Variants in KLF12 observed in about 807,000 individuals in gnomAD.
KLF12 encodes the protein Krueppel-like factor 12.
Under a neutral mutation model 37.8 loss-of-function variants are expected in KLF12, and 9 were observed. That is an observed-to-expected ratio of 0.24 (90% confidence interval 0.14 to 0.42). The LOEUF (loss-of-function observed/expected upper bound fraction) is 0.42, where lower values mean the gene tolerates loss of function less well. Ranked by LOEUF, KLF12 falls within the 10% of genes least tolerant of loss-of-function variation. KLF12 has a pLI of 1.00. For missense variants in KLF12, 411 were observed against 516.0 expected (o/e 0.80, Z 1.97); for synonymous variants, 208 against 202.1 (o/e 1.03, Z -0.25).
At chr13:74,222,074 A>G in the KLF12 span, among the ~76,000 whole-genome samples, 1 of 152,244 alleles carries the variant, frequency 6.6e-6, no homozygotes, top group Non-Finnish European at 1.5e-5. Flanking sequence ...ATGAATGTCT[A>G]CGTAGGTATT....
chr13:74,244,710 AT>A, the KLF12 span, among the ~76,000 whole-genome samples: 1 of 152,098 alleles, frequency 6.6e-6, no homozygotes, highest in Non-Finnish European at 1.5e-5. Flanking sequence ...ATCCCTTCAT[AT>A]TTTTTGGATT....
intron 3 of KLF12, among the ~76,000 whole-genome samples, chr13:73,918,494 C>A (rs2139200722): frequency 6.6e-6 from 1 of 152,192 alleles, no homozygotes; most frequent in East Asian, 1.9e-4. Context: ...CAGTACTATA[C>A]AAGATATTTT....
chr13:74,303,238 G>A, the KLF12 span, among the ~76,000 whole-genome samples: 23 of 152,110 alleles, frequency 1.5e-4, no homozygotes, highest in African/African-American at 3.1e-4. Context: ...TTCTTGTGTC[G>A]TCTGCATCTT....
the KLF12 span, among the ~76,000 whole-genome samples, chr13:74,173,581 T>G: frequency 3.6e-4 from 55 of 152,332 alleles, no homozygotes; most frequent in African/African-American, 1.3e-3. Flanking sequence ...ATATGTGTGT[T>G]GAATGTAGTA....
At chr13:73,808,030 A>G (rs1021030818) in intron 5 of KLF12, among the ~76,000 whole-genome samples, 1 of 152,190 alleles carries the variant, frequency 6.6e-6, no homozygotes, top group African/African-American at 2.4e-5. Flanking sequence ...GCTAAACTTC[A>G]CCTATTGAAA....
At position 73,805,604 on chromosome 13, in the gene KLF12, AGAAG is replaced by A. The variant is rs1206307171; in HGVS notation, c.806+7544_806+7547del. Among the ~76,000 whole-genome samples, 20 of 89,690 alleles carry A rather than the reference AGAAG, an allele frequency of 2.2e-4. 1 individual carries two copies. In the East Asian group the frequency reaches 2.8e-3, roughly 13 times the overall value. The allele number at this position is 89,690 out of a possible 152,430, so 58.8% of individuals were successfully genotyped here. A position where few individuals can be genotyped will look rare whatever the true frequency, so the allele number is the denominator to read the frequency against. ...TAACCTGGGCAACAGAGGCACTGTCAGAAGGAAGGGAGGGAGGGAGGGAGGGAGG... is the reference window on the plus strand; with the variant it reads ...TAACCTGGGCAACAGAGGCACTGTCAGAAGGGAGGGAGGGAGGGAGGGAGG... On this transcript the variant is annotated intron_variant, in intron 5 of 7. Transcript: ENST00000377669.
the KLF12 span, among the ~76,000 whole-genome samples, chr13:74,270,275 G>T: frequency 6.6e-6 from 1 of 152,140 alleles, no homozygotes; most frequent in Admixed American, 6.5e-5. Context: ...CTCAGGATTG[G>T]GCTGGCCATG....
chr13:73,822,628 T>G (rs1883591609), intron 4 of KLF12, among the ~76,000 whole-genome samples: 1 of 152,202 alleles, frequency 6.6e-6, no homozygotes, highest in Admixed American at 6.5e-5. Context: ...CAACAGCTAC[T>G]AGAGTTTCAT....
chr13:74,042,999 T>C (rs1893447693), intron 1 of KLF12, among the ~76,000 whole-genome samples: 1 of 151,428 alleles, frequency 6.6e-6, no homozygotes, highest in South Asian at 2.1e-4. Context: ...ACAAGATTAT[T>C]CCAATATTAA....
intron 4 of KLF12, among the ~76,000 whole-genome samples, chr13:73,821,413 C>T (rs1403689501): frequency 6.6e-6 from 1 of 152,194 alleles, no homozygotes; most frequent in East Asian, 1.9e-4. Flanking sequence ...AAGTCCTATT[C>T]TTTCTCCTGG....
the KLF12 span, among the ~76,000 whole-genome samples, chr13:74,170,067 C>T: frequency 6.6e-6 from 1 of 152,130 alleles, no homozygotes; most frequent in Non-Finnish European, 1.5e-5. Context: ...AATTTTTTAA[C>T]ATCCACATTT....
At chr13:74,024,952 A>G (rs1196365034) in intron 1 of KLF12, among the ~76,000 whole-genome samples, 6 of 152,308 alleles carry the variant, frequency 3.9e-5, no homozygotes, top group Admixed American at 1.3e-4. Context: ...TAAGTTCTCA[A>G]CATAAATAAG....
chr13:73,698,360 G>A (rs1021293213), intron 7 of KLF12, among the ~76,000 whole-genome samples: 1 of 152,068 alleles, frequency 6.6e-6, no homozygotes, highest in East Asian at 1.9e-4. Context: ...GGATGTGAGA[G>A]GCTGGTAGCA....
rs543062291 is a variant in KLF12, at chr13:73,885,548, G to A, written c.124-39175C>T. Among the ~76,000 whole-genome samples, 11 of 152,288 alleles carry A rather than the reference G, an allele frequency of 7.2e-5. No homozygotes were observed. The South Asian group carries it at 2.3e-3, about 32-fold the overall frequency. On this transcript the variant is annotated intron_variant, in intron 3 of 7. Transcript: ENST00000377669. Reference sequence around the variant, plus strand: ...GCAACTGCTGATCAATGATGCAGATGTACTTTAAAACAGGTGGTCACACAA... The same window carrying A: ...GCAACTGCTGATCAATGATGCAGATATACTTTAAAACAGGTGGTCACACAA...
chr13:74,157,721 T>C, the KLF12 span, among the ~76,000 whole-genome samples: 2 of 152,190 alleles, frequency 1.3e-5, no homozygotes, highest in Non-Finnish European at 2.9e-5. Context: ...GAAGAGAGAA[T>C]GTTAACAGCC....
At chr13:73,953,970 C>CTTTTTTTTTTTTTTTT (rs67945624) in intron 2 of KLF12, among the ~76,000 whole-genome samples, 2 of 88,534 alleles carry the variant, frequency 2.3e-5, no homozygotes, top group Non-Finnish European at 2.2e-5. Flanking sequence ...TTTTTTCTTT[C>CTTTTTTTTTTTTTTTT]TTTTTTTTTT....
At chr13:73,861,839 T>C (rs1885941856) in intron 3 of KLF12, among the ~76,000 whole-genome samples, 1 of 152,174 alleles carries the variant, frequency 6.6e-6, no homozygotes, top group African/African-American at 2.4e-5. Flanking sequence ...TGGGCATGTG[T>C]GTATTCTTGT....
In KLF12 at chr13:73,817,976, A is replaced by G. The variant is rs9543466; in HGVS notation, c.671-4689T>C. ...GAACCAACCTTGTTTTAGTGACATA[A>G]AAGCTACCTACTGCATTCTGCATCA... On this transcript the variant is annotated intron_variant, in intron 4 of 7. Coordinates refer to ENST00000377669, the MANE Select transcript of KLF12 (RefSeq NM_007249.5). Among the ~76,000 whole-genome samples, 1,015 of 152,366 alleles carry G rather than the reference A, an allele frequency of 6.7e-3. 5 individuals are homozygous for G. Among genetic ancestry groups the G allele is most frequent in the Non-Finnish European group, 0.01 (707 of 68,038 alleles).
chr13:74,039,722 C>T (rs1893352025), intron 1 of KLF12, among the ~76,000 whole-genome samples: 2 of 152,072 alleles, frequency 1.3e-5, no homozygotes, highest in Non-Finnish European at 2.9e-5. Context: ...ATTTCAAAAG[C>T]GTAATACAAT....
Sources: gnomAD v4.1 joint callset for allele counts (sites outside exome capture counted in the v4.1 genomes callset) on GRCh38, gnomAD v4.1.1 for gene constraint, MANE v1.5 for transcripts, NCBI Gene and HGNC (gene_info 2026-07-23, HGNC 2026-07-21) for gene names.